BPIFA2: variants seen among roughly 807,000 people sequenced by gnomAD.
BPIFA2 encodes the protein BPI fold containing family A member 2.
BPIFA2 carries 20 observed loss-of-function variants against 25.7 expected under a neutral mutation model. The ratio of observed to expected loss-of-function variants is 0.78; its 90% CI spans 0.55 to 1.13. BPIFA2 has a LOEUF of 1.13. BPIFA2 is among the 50% of genes most tolerant of loss of function. The probability of loss-of-function intolerance (pLI) is 0.00; values close to 1 mark genes in which losing one functional copy is unlikely to be tolerated. For missense variants in BPIFA2, 300 were observed against 298.1 expected (o/e 1.01, Z -0.05); for synonymous variants, 126 against 124.3 (o/e 1.01, Z -0.09).
At chr20:33,177,252 C>T (rs754593442) in intron 5 of BPIFA2, among the ~76,000 whole-genome samples, 5 of 151,626 alleles carry the variant, frequency 3.3e-5, no homozygotes, top group African/African-American at 4.9e-5. Flanking sequence ...CTACTCGGGA[C>T]GCTGAGGCAC....
At chr20:33,178,110 A>G (rs1984144179) in intron 5 of BPIFA2, 37 bp from the exon 6 acceptor site, 3 of 1,519,904 alleles carry the variant, frequency 2.0e-6, no homozygotes, top group African/African-American at 1.4e-5. Flanking sequence ...TCTCTTGCCC[A>G]CTTGACCAGA....
In BPIFA2 at chr20:33,169,124, T is replaced by C. The variant is rs79335567; in HGVS notation, c.-15-7T>C. The C allele has an allele frequency of 3.0e-3, 4,861 of 1,611,554 alleles. 112 individuals are homozygous for C. In the African/African-American group the frequency reaches 0.054, roughly 18 times the overall value. The stretch of plus-strand genomic sequence containing the variant: ...TTCTCACTCCTGTTCTTCCCATGAC[T>C]GTCCAGGTGTCAAGACAAAAGATGC... On this transcript the variant is annotated splice_region_variant and splice_polypyrimidine_tract_variant and intron_variant, in intron 1 of 8. Coordinates refer to ENST00000354932, the MANE Select transcript of BPIFA2 (RefSeq NM_080574.4).
chr20:33,178,317 T>C lies in BPIFA2; in HGVS notation c.645+89T>C, dbSNP rs1339164934. The stretch of plus-strand genomic sequence containing the variant: ...GGCCTGGCTGTATCCTCTGAGCACT[T>C]TTCCTTCGGAGGTGAAAGCTTCTCC... On this transcript the variant is annotated intron_variant, in intron 6 of 8. Transcript: ENST00000354932. The C allele has an allele frequency of 2.2e-5, 22 of 1,012,532 alleles. No individual in the cohort carries two copies. The South Asian group carries it at 3.2e-4, about 15-fold the overall frequency. The allele number at this position is 1,012,532 out of a possible 1,614,324, so 62.7% of individuals were successfully genotyped here.
chr20:33,165,080 C>T (rs1222164659), upstream of BPIFA2, among the ~76,000 whole-genome samples: 4 of 152,206 alleles, frequency 2.6e-5, no homozygotes, highest in East Asian at 7.7e-4. Flanking sequence ...CAGAAGAAAA[C>T]CCGGCAAAGT....
At chr20:33,172,895 G>A (rs1174262514) in intron 2 of BPIFA2, 37 bp from the exon 3 acceptor site, 1 of 1,603,116 alleles carries the variant, frequency 6.2e-7, no homozygotes, top group Admixed American at 1.7e-5. Flanking sequence ...TACTTCGTAA[G>A]TGGTGCGTGA....
chr20:33,172,751 TA>T (rs1289379013), intron 2 of BPIFA2, among the ~76,000 whole-genome samples, 180 bp from the exon 3 acceptor site: 3 of 152,166 alleles, frequency 2.0e-5, no homozygotes, highest in Non-Finnish European at 4.4e-5. Context: ...ACACGTTTCT[TA>T]ACCATCTAGA....
chr20:33,175,144 TA>T (rs1255971551), intron 4 of BPIFA2, among the ~76,000 whole-genome samples: 1 of 152,194 alleles, frequency 6.6e-6, no homozygotes, highest in African/African-American at 2.4e-5. Context: ...TTGTTGTCAA[TA>T]AATGTTAACT....
upstream of BPIFA2, among the ~76,000 whole-genome samples, chr20:33,163,535 C>A (rs977271974): frequency 6.6e-6 from 1 of 152,132 alleles, no homozygotes; most frequent in Non-Finnish European, 1.5e-5. Context: ...ATATAAATGG[C>A]AGTGCTGCCG....
chr20:33,179,582 T>C, intron 6 of BPIFA2, 22 bp from the exon 7 acceptor site: 1 of 1,591,456 alleles, frequency 6.3e-7, no homozygotes, highest in South Asian at 1.1e-5. Flanking sequence ...GACCCTCCTC[T>C]TCCTCCTTTC....
chr20:33,169,515 T>A (rs1983832652), intron 2 of BPIFA2, among the ~76,000 whole-genome samples: 1 of 152,220 alleles, frequency 6.6e-6, no homozygotes, highest in South Asian at 2.1e-4. Flanking sequence ...TAAACGTGCA[T>A]AAGATAAATT....
upstream of BPIFA2, among the ~76,000 whole-genome samples, chr20:33,163,850 G>A (rs1219019855): frequency 2.0e-5 from 3 of 152,008 alleles, no homozygotes; most frequent in African/African-American, 7.2e-5. Flanking sequence ...CTCAGAGCAT[G>A]GACTCCGGAG....
At chr20:33,167,476 C>T (rs1983758984), upstream of BPIFA2, among the ~76,000 whole-genome samples, 1 of 152,182 alleles carries the variant, frequency 6.6e-6, no homozygotes, top group African/African-American at 2.4e-5. Context: ...CCTGTCCTTG[C>T]AAGTATGGAC....
At chr20:33,175,709 C>A in intron 5 of BPIFA2, 150 bp downstream of exon 5, 2 of 805,308 alleles carry the variant, frequency 2.5e-6, no homozygotes, top group Non-Finnish European at 3.7e-6. Flanking sequence ...ATCAGCTCTG[C>A]CACTAACTTG....
chr20:33,172,731 G>C (rs1196328394), intron 2 of BPIFA2, among the ~76,000 whole-genome samples: 1 of 152,114 alleles, frequency 6.6e-6, no homozygotes, highest in Non-Finnish European at 1.5e-5. Context: ...TTCCCTGGCT[G>C]TGTGGCTAGA....
In BPIFA2 at chr20:33,175,489, C is replaced by T. The variant is rs912603835; in HGVS notation, c.493C>T (p.His165Tyr). The T allele has an allele frequency of 2.5e-6, 4 of 1,614,050 alleles. No individual in the cohort carries two copies. In the African/African-American group the frequency reaches 4.0e-5, roughly 16 times the overall value. The change falls in exon 5 of 9, where the codon CAC (histidine) becomes TAC (tyrosine). Residue 165 changes from histidine (H) to tyrosine (Y), a missense_variant. Coordinates refer to ENST00000354932, the MANE Select transcript of BPIFA2 (RefSeq NM_080574.4). ...AVTIETDPQT[H>Y]QPVAVLGECA... ...CACAATTGAAACTGATCCCCAGACACACCAGCCTGTTGCCGTCCTGGGAGA... is the reference window on the plus strand; with the variant it reads ...CACAATTGAAACTGATCCCCAGACATACCAGCCTGTTGCCGTCCTGGGAGA...
At chr20:33,171,824 G>T (rs1044528684) in intron 2 of BPIFA2, among the ~76,000 whole-genome samples, 1 of 152,216 alleles carries the variant, frequency 6.6e-6, no homozygotes, top group African/African-American at 2.4e-5. Flanking sequence ...GAGGAAGACA[G>T]TGTGGTGATT....
At position 33,173,084 on chromosome 20, in the gene BPIFA2, G is replaced by T. The variant is rs201898688; in HGVS notation, c.302+8G>T. 4.3e-6 allele frequency: 7 copies of T among 1,612,652 alleles called. No individual in the cohort carries two copies. In the African/African-American group the frequency reaches 6.7e-5, roughly 15 times the overall value. ...TAACACGGACATTTTTGGGTGAGTT[G>T]GTCCTTCAGGGTGGAGATCTTTGCT... On this transcript the variant is annotated splice_region_variant and intron_variant, in intron 3 of 8. Coordinates refer to ENST00000354932, the MANE Select transcript of BPIFA2 (RefSeq NM_080574.4).
chr20:33,171,349 TG>T (rs561213076), intron 2 of BPIFA2, among the ~76,000 whole-genome samples: 112 of 152,304 alleles, frequency 7.4e-4, no homozygotes, highest in African/African-American at 2.4e-3. Flanking sequence ...TTCATGATAT[TG>T]TTTCTTCCTA....
chr20:33,179,245 C>T (rs977058062), intron 6 of BPIFA2, among the ~76,000 whole-genome samples: 1 of 151,950 alleles, frequency 6.6e-6, no homozygotes, highest in Non-Finnish European at 1.5e-5. Context: ...GCCTGGCTAA[C>T]ATGGTGAAAC....
Sources: allele counts gnomAD v4.1 joint callset (sites outside exome capture counted in the v4.1 genomes callset), GRCh38; gene constraint gnomAD v4.1.1; transcripts MANE v1.5; gene names NCBI Gene and HGNC (gene_info 2026-07-23, HGNC 2026-07-21).